ST6GAL1: variants seen among roughly 807,000 people sequenced by gnomAD.
ST6GAL1 encodes ST6 beta-galactoside alpha-2,6-sialyltransferase 1, also known as beta-galactoside alpha-2,6-sialyltransferase 1.
Under a neutral mutation model 38.0 loss-of-function variants are expected in ST6GAL1, and 20 were observed. That is an observed-to-expected ratio of 0.53 (90% confidence interval 0.37 to 0.77). The LOEUF (loss-of-function observed/expected upper bound fraction) is 0.77, where lower values mean the gene tolerates loss of function less well. ST6GAL1 is among the 30% of genes least tolerant of loss of function. The pLI is 0.00. For missense variants in ST6GAL1, 432 were observed against 496.4 expected (o/e 0.87, Z 1.23); for synonymous variants, 196 against 188.2 (o/e 1.04, Z -0.34).
At chr3:187,018,562 G>A (rs538110815) in intron 2 of ST6GAL1, among the ~76,000 whole-genome samples, 3 of 152,258 alleles carry the variant, frequency 2.0e-5, no homozygotes, top group African/African-American at 7.2e-5. Context: ...GAAAGATGTA[G>A]GCTGGAAGGC....
intron 2 of ST6GAL1, among the ~76,000 whole-genome samples, chr3:186,993,561 TTTATTTATTTATTTATTTATTTATTTA>T (rs1560154673): frequency 0.015 from 1,131 of 77,300 alleles, 13 homozygotes; most frequent in Non-Finnish European, 0.016. Context: ...CAGAGTTTTA[TTTATTTATTTATTTATTTATTTATTTA>T]TTTATTTATT....
At chr3:186,977,005 G>A (rs1715542075) in intron 2 of ST6GAL1, among the ~76,000 whole-genome samples, 1 of 152,200 alleles carries the variant, frequency 6.6e-6, no homozygotes, top group Admixed American at 6.5e-5. Context: ...CTTGCCAGAG[G>A]AGATCGGCTT....
chr3:187,015,263 G>A (rs1717079106), intron 2 of ST6GAL1, among the ~76,000 whole-genome samples: 1 of 152,156 alleles, frequency 6.6e-6, no homozygotes, highest in Non-Finnish European at 1.5e-5. Context: ...AGCAGACTTA[G>A]GCTGTTTCAT....
At chr3:187,052,365 A>C (rs1718545474) in intron 5 of ST6GAL1, among the ~76,000 whole-genome samples, 1 of 152,114 alleles carries the variant, frequency 6.6e-6, no homozygotes, top group African/African-American at 2.4e-5. Context: ...TGTTACATAG[A>C]TATACATGTG....
chr3:187,014,820 T>C (rs1717066675), intron 2 of ST6GAL1, among the ~76,000 whole-genome samples: 3 of 152,216 alleles, frequency 2.0e-5, no homozygotes, highest in Admixed American at 2.0e-4. Flanking sequence ...CTTATGGTCA[T>C]TGTTGCCAGG....
chr3:187,056,140 T>C (rs1718693441), intron 5 of ST6GAL1, among the ~76,000 whole-genome samples: 2 of 152,198 alleles, frequency 1.3e-5, no homozygotes, highest in African/African-American at 4.8e-5. Flanking sequence ...CCTGCTTTTT[T>C]TTGCTTTCCA....
intron 2 of ST6GAL1, among the ~76,000 whole-genome samples, chr3:186,995,120 T>C (rs1716320391): frequency 6.6e-6 from 1 of 152,182 alleles, no homozygotes; most frequent in Non-Finnish European, 1.5e-5. Context: ...AGTGTATGTA[T>C]ATAGATATGG....
intron 2 of ST6GAL1, among the ~76,000 whole-genome samples, chr3:186,976,432 CT>C (rs199550918): frequency 5.2e-4 from 76 of 146,714 alleles, no homozygotes; most frequent in Admixed American, 4.8e-4. Context: ...TTATTTCATT[CT>C]TTTTTTTTTT....
chr3:187,043,364 A>C lies in ST6GAL1; in HGVS notation c.607+54A>C. 3 of 1,568,262 alleles carry C rather than the reference A, an allele frequency of 1.9e-6. 1 individual carries two copies. In the South Asian group the frequency reaches 3.6e-5, roughly 19 times the overall value. On this transcript the variant is annotated intron_variant, in intron 4 of 7. Transcript: ENST00000169298. ...CAGTGCTTATTGGGACTGGCTGGGC[A>C]TATTGATGGTATGGGAGACAAGTGG...
intron 2 of ST6GAL1, among the ~76,000 whole-genome samples, chr3:186,965,584 C>A (rs1203341405): frequency 6.6e-6 from 1 of 152,184 alleles, no homozygotes; most frequent in Non-Finnish European, 1.5e-5. Context: ...CCCACACCCT[C>A]ATTTTAAGAA....
chr3:186,998,368 A>G (rs977618818), intron 2 of ST6GAL1, among the ~76,000 whole-genome samples: 4 of 152,254 alleles, frequency 2.6e-5, no homozygotes, highest in African/African-American at 9.6e-5. Flanking sequence ...TGTGTTTTAT[A>G]TACTGTATTC....
intron 1 of ST6GAL1, among the ~76,000 whole-genome samples, chr3:186,961,729 C>T (rs763636904): frequency 7.2e-5 from 11 of 152,106 alleles, no homozygotes; most frequent in Non-Finnish European, 1.6e-4. Context: ...GGCTGAGAAA[C>T]CTAGTTATCT....
At chr3:187,048,751 A>G (rs1295961307) in intron 4 of ST6GAL1, among the ~76,000 whole-genome samples, 2 of 152,072 alleles carry the variant, frequency 1.3e-5, no homozygotes, top group African/African-American at 4.8e-5. Flanking sequence ...GAACAAAACA[A>G]TTCTCCTTTC....
chr3:186,974,860 C>T (rs544805407), intron 2 of ST6GAL1: 2 of 152,288 alleles, frequency 1.3e-5, no homozygotes, highest in East Asian at 3.9e-4. Flanking sequence ...AGGTGGGGTT[C>T]ATGGCAGCTG....
intron 5 of ST6GAL1, among the ~76,000 whole-genome samples, chr3:187,060,529 C>T (rs138683910): frequency 4.1e-4 from 62 of 152,096 alleles, no homozygotes; most frequent in Non-Finnish European, 6.5e-4. Flanking sequence ...TTCATCTGAG[C>T]AGAGGGGCTG....
At chr3:187,025,619 A>T (rs902644508) in intron 2 of ST6GAL1, 23 of 152,230 alleles carry the variant, frequency 1.5e-4, no homozygotes, top group Non-Finnish European at 3.2e-4. Context: ...ACTTTTTGCC[A>T]GGCACCTGTC....
At chr3:187,022,872 T>G (rs145080849) in intron 2 of ST6GAL1, among the ~76,000 whole-genome samples, 29 of 152,334 alleles carry the variant, frequency 1.9e-4, no homozygotes, top group Non-Finnish European at 8.8e-5. Context: ...ACCCATTTAA[T>G]GAGACTGTAT....
intron 2 of ST6GAL1, among the ~76,000 whole-genome samples, chr3:186,990,883 G>C (rs1423719940): frequency 6.6e-6 from 1 of 151,472 alleles, no homozygotes; most frequent in African/African-American, 2.4e-5. Flanking sequence ...CTAGATGCTT[G>C]TTCCAGTAAG....
At chr3:186,976,284 T>C (rs1055843501) in intron 2 of ST6GAL1, among the ~76,000 whole-genome samples, 12 of 152,172 alleles carry the variant, frequency 7.9e-5, no homozygotes, top group Non-Finnish European at 1.2e-4. Flanking sequence ...TCCGTAAGAA[T>C]TGGAAACAGA....
Sources: allele counts gnomAD v4.1 joint callset (sites outside exome capture counted in the v4.1 genomes callset), GRCh38; gene constraint gnomAD v4.1.1; transcripts MANE v1.5; gene names NCBI Gene and HGNC (gene_info 2026-07-23, HGNC 2026-07-21).